ADAP1: variants seen among roughly 807,000 people sequenced by gnomAD.
ADAP1 encodes arf-GAP with dual PH domain-containing protein 1.
In ADAP1, 31 loss-of-function variants were observed where a neutral mutation model predicts 54.9. That is an observed-to-expected ratio of 0.56 (90% CI 0.42 to 0.76). The LOEUF (loss-of-function observed/expected upper bound fraction) is 0.76, where lower values mean the gene tolerates loss of function less well. ADAP1 is among the 30% of genes least tolerant of loss of function. The probability of loss-of-function intolerance (pLI) is 0.00; values close to 1 mark genes in which losing one functional copy is unlikely to be tolerated. For synonymous variants in ADAP1, 313 were observed against 202.6 expected (o/e 1.55, Z -4.63); for missense variants, 535 against 512.4 (o/e 1.04, Z -0.42).
chr7:907,390 C>A (rs1331366845), intron 4 of ADAP1, among the ~76,000 whole-genome samples: 10 of 152,194 alleles, frequency 6.6e-5, no homozygotes, highest in African/African-American at 2.4e-4. Flanking sequence ...CCCAGGAGCA[C>A]CAGGGAGAGG....
In ADAP1 at chr7:945,477, T is replaced by C. The variant is rs1847114883; in HGVS notation, c.82+8919A>G. 6.6e-6 allele frequency among the ~76,000 whole-genome samples: 1 copy of C among 152,228 alleles called. No homozygotes were observed. The highest frequency in any genetic ancestry group is 1.5e-5 in the Non-Finnish European group (1 of 68,028). On this transcript the variant is annotated intron_variant, in intron 1 of 10. Transcript: ENST00000265846. The surrounding 1 kb of genome is among the most constrained non-coding windows in gnomAD (Gnocchi z 4.2). ...CTTCTGGGTTCCCAGGACTGTGGAATTTTGTTCCAAAATGCCTGGAGTCAG... is the reference window on the plus strand; with the variant it reads ...CTTCTGGGTTCCCAGGACTGTGGAACTTTGTTCCAAAATGCCTGGAGTCAG...
In ADAP1 at chr7:920,446, C is replaced by G. The variant is rs1846146280; in HGVS notation, c.306-396G>C. Among the ~76,000 whole-genome samples, 1 of 151,840 alleles carries G rather than the reference C, an allele frequency of 6.6e-6. No individual in the cohort carries two copies. The highest frequency in any genetic ancestry group is 2.4e-5 in the African/African-American group (1 of 41,316). ...CGCCCCTGGGCCCTCCCCGACCCTC[C>G]CCACCTCGTTGGACCGGATCTGGGA... On this transcript the variant is annotated intron_variant, in intron 3 of 10. Coordinates refer to ENST00000265846, the MANE Select transcript of ADAP1 (RefSeq NM_006869.4). This position sits in a 1 kb window ranked among gnomAD's most constrained non-coding sequence, Gnocchi z 4.5.
chr7:900,093 C>T lies in ADAP1; in HGVS notation c.795+9G>A, dbSNP rs1844714330. 1.9e-6 allele frequency: 3 copies of T among 1,613,036 alleles called. No homozygotes were observed. Among genetic ancestry groups the T allele is most frequent in the Non-Finnish European group, 2.5e-6 (3 of 1,179,868 alleles). On this transcript the variant is annotated intron_variant, in intron 8 of 10. Transcript: ENST00000265846. The stretch of plus-strand genomic sequence containing the variant: ...AGGCCACCCCAGGCCGCACGTGCGG[C>T]ACACCCACCTTGGGCCCCGTCTTCT...
rs1562914467 is a variant in ADAP1 at position 906,510 on chromosome 7, A to AG, written c.389-1339dup. Among the ~76,000 whole-genome samples the AG allele has an allele frequency of 8.6e-5, 5 of 58,198 alleles. 1 individual carries two copies. Among genetic ancestry groups the AG allele is most frequent in the Non-Finnish European group, 1.7e-4 (4 of 24,040 alleles). The allele number at this position is 58,198 out of a possible 152,430, so 38.2% of individuals were successfully genotyped here. On this transcript the variant is annotated intron_variant, in intron 4 of 10. Transcript: ENST00000265846. ...AGAAAGGGAAAGGAGAAAGGGAGAA[A>AG]GGAGAAAGGAGAAAGGGAAAGGAGA... is the stretch of plus-strand genomic sequence containing the variant.
intron 2 of ADAP1, among the ~76,000 whole-genome samples, chr7:933,648 G>A (rs1583176519): frequency 1.2e-5 from 1 of 85,952 alleles, no homozygotes; most frequent in Non-Finnish European, 2.4e-5. Context: ...GAGAGCCGGG[G>A]GCCGGGGTCA....
intron 3 of ADAP1, among the ~76,000 whole-genome samples, chr7:922,806 C>T (rs1194659831): frequency 6.6e-6 from 1 of 151,032 alleles, no homozygotes; most frequent in Non-Finnish European, 1.5e-5. Context: ...GTTCACGCCC[C>T]CGCCCACACC....
intron 4 of ADAP1, among the ~76,000 whole-genome samples, chr7:917,516 G>A (rs997637019): frequency 1.3e-5 from 2 of 152,304 alleles, no homozygotes; most frequent in East Asian, 1.9e-4. Context: ...CCAGGCTGGA[G>A]TGCAGAGGCG....
chr7:900,832 G>T, intron 6 of ADAP1: 1 of 646,128 alleles, frequency 1.5e-6, no homozygotes. Flanking sequence ...CTCTGCGGGA[G>T]GGCAGGTGCA....
At chr7:929,993 A>C (rs762316915) in intron 2 of ADAP1, among the ~76,000 whole-genome samples, 1 of 149,260 alleles carries the variant, frequency 6.7e-6, no homozygotes, top group East Asian at 2.0e-4. Flanking sequence ...AGTTCCATCT[A>C]CTCAGGAGGC....
Position 899,411 on chromosome 7 carries a change from C to G in ADAP1, c.867+8G>C, listed in dbSNP as rs1562904543. 4.3e-6 allele frequency: 7 copies of G among 1,612,814 alleles called. No individual in the cohort carries two copies. In the Admixed American group the frequency reaches 5.0e-5, roughly 12 times the overall value. On this transcript the variant is annotated splice_region_variant and intron_variant, in intron 9 of 10. Transcript: ENST00000265846. ...CCCTCCCGTGCTGGGGCCACAGCTCCTCCTTACCAGGGGGTCTTTGAAGTA... is the reference window on the plus strand; with the variant it reads ...CCCTCCCGTGCTGGGGCCACAGCTCGTCCTTACCAGGGGGTCTTTGAAGTA...
intron 4 of ADAP1, among the ~76,000 whole-genome samples, chr7:909,758 G>C (rs2128100313): frequency 1.3e-5 from 2 of 152,340 alleles, no homozygotes; most frequent in East Asian, 3.9e-4. Context: ...GGACTCGTGA[G>C]TCCTGGGGCA....
rs752950942 is a variant in ADAP1 at position 899,097 on chromosome 7, C to T, written c.1032G>A (p.Gln344=). 1 of 1,608,426 alleles carries T rather than the reference C, an allele frequency of 6.2e-7. No individual in the cohort carries two copies. Among genetic ancestry groups the T allele is most frequent in the South Asian group, 1.1e-5 (1 of 91,090 alleles). The change falls in exon 10 of 11, where the codon CAG becomes CAA. Residue 344 remains glutamine, a synonymous_variant. Coordinates refer to ENST00000265846, the MANE Select transcript of ADAP1 (RefSeq NM_006869.4). ...FLFACETESD[Q]REWVAAFQKA... Reference sequence around the variant, plus strand: ...TCTGGAAGGCCGCCACCCACTCCCTCTGGTCGGACTCCGTCTCGCAGGCAA... The same window carrying T: ...TCTGGAAGGCCGCCACCCACTCCCTTTGGTCGGACTCCGTCTCGCAGGCAA...
intron 2 of ADAP1, among the ~76,000 whole-genome samples, chr7:932,362 T>G (rs1001293213): frequency 6.8e-6 from 1 of 147,550 alleles, no homozygotes; most frequent in African/African-American, 2.5e-5. Flanking sequence ...CATTTAGGGT[T>G]TTTCCAACAA....
Position 898,828 on chromosome 7 carries a change from A to C in ADAP1, c.*93T>G. On this transcript the variant is annotated 3_prime_UTR_variant, in exon 11 of 11. Coordinates refer to ENST00000265846, the MANE Select transcript of ADAP1 (RefSeq NM_006869.4). ...GCTGCCCTGAGGAGCAGGTGGGGCC[A>C]GGTGGCCTCAGGACGCCAGAGCCCC... The C allele has an allele frequency of 2.0e-6, 3 of 1,514,780 alleles. No individual in the cohort carries two copies. The highest frequency in any genetic ancestry group is 1.2e-5 in the South Asian group (1 of 83,398). 93.8% of individuals were successfully genotyped at this position (1,514,780 alleles called of 1,614,324 possible).
At chr7:931,772 A>G (rs917984018) in intron 2 of ADAP1, among the ~76,000 whole-genome samples, 4 of 82,356 alleles carry the variant, frequency 4.9e-5, no homozygotes, top group African/African-American at 1.8e-4. Context: ...GAAAGTAGGG[A>G]GAAAAAAAAA....
At chr7:923,697 C>A (rs936164032) in intron 3 of ADAP1, among the ~76,000 whole-genome samples, 1 of 152,118 alleles carries the variant, frequency 6.6e-6, no homozygotes, top group Non-Finnish European at 1.5e-5. Flanking sequence ...CAGTGTGTGC[C>A]GGGAGGCCGC....
intron 6 of ADAP1, among the ~76,000 whole-genome samples, chr7:901,866 T>C (rs754777115): frequency 6.9e-5 from 10 of 145,190 alleles, no homozygotes; most frequent in Non-Finnish European, 1.2e-4. Context: ...CCCAAAGGCC[T>C]TGGGAATTCA....
In ADAP1 at chr7:937,718, A is replaced by G. The variant is rs113798674; in HGVS notation, c.83-2213T>C. ...CTCTGGGATTTGGGGGTCATGCCCG[A>G]CCTCTGGGATTTGGGGGTCATGCCC... On this transcript the variant is annotated intron_variant, in intron 1 of 10. Coordinates refer to ENST00000265846, the MANE Select transcript of ADAP1 (RefSeq NM_006869.4). 5.4e-3 allele frequency among the ~76,000 whole-genome samples: 162 copies of G among 29,802 alleles called. 15 individuals are homozygous for G. The highest frequency in any genetic ancestry group is 0.016 in the East Asian group (8 of 514). 19.6% of individuals were successfully genotyped at this position (29,802 alleles called of 152,430 possible).
At chr7:900,888 C>T (rs778284464) in intron 6 of ADAP1, 6 of 594,542 alleles carry the variant, frequency 1.0e-5, no homozygotes, top group South Asian at 4.6e-5. Flanking sequence ...GCCGAAGGGC[C>T]GGGCCGGGCC....
Sources: allele counts gnomAD v4.1 joint callset (sites outside exome capture counted in the v4.1 genomes callset), GRCh38; gene constraint gnomAD v4.1.1; non-coding constraint Gnocchi (gnomAD v3.1); transcripts MANE v1.5; gene names NCBI Gene and HGNC (gene_info 2026-07-23, HGNC 2026-07-21).